The following HIF1A variants were observed in gnomAD, a reference collection of about 807,000 sequenced individuals.
The protein encoded by HIF1A is hypoxia inducible factor 1 subunit alpha, also known as hypoxia-inducible factor 1-alpha.
In HIF1A, 24 loss-of-function variants were observed where a neutral mutation model predicts 92.7. The observed-to-expected ratio is 0.26, with a 90% CI of 0.19 to 0.36. HIF1A has a LOEUF of 0.36. Among genes scored for constraint, HIF1A ranks in the 10% least tolerant of loss-of-function variants. The pLI is 1.00. For missense variants in HIF1A, 799 were observed against 998.5 expected (o/e 0.80, Z 2.69); for synonymous variants, 319 against 338.7 (o/e 0.94, Z 0.64).
chr14:61,731,474 T>A (rs1411565606), intron 6 of HIF1A, among the ~76,000 whole-genome samples: 1 of 152,242 alleles, frequency 6.6e-6, no homozygotes, highest in Non-Finnish European at 1.5e-5. Context: ...TCATTTGAAA[T>A]ATTGTTTTAT....
At position 61,695,767 on chromosome 14, in the gene HIF1A, G is replaced by A. The variant is rs773034675; in HGVS notation, c.-38G>A. ...CGCTTAGGCCGGAGCGAGCCTGGGG[G>A]CCGCCCGCCGTGAAGACATCGCGGG... On this transcript the variant is annotated 5_prime_UTR_variant, in exon 1 of 15. Transcript: ENST00000337138. The A allele has an allele frequency of 1.3e-6, 2 of 1,569,136 alleles. No individual in the cohort carries two copies. The highest frequency in any genetic ancestry group is 2.3e-5 in the South Asian group (2 of 85,466).
At chr14:61,723,145 A>T (rs1311040695) in intron 4 of HIF1A, among the ~76,000 whole-genome samples, 1 of 152,174 alleles carries the variant, frequency 6.6e-6, no homozygotes, top group Non-Finnish European at 1.5e-5. Flanking sequence ...TATATTATAA[A>T]ACCTCAAATT....
At chr14:61,712,634 C>A (rs2044321067) in intron 1 of HIF1A, among the ~76,000 whole-genome samples, 1 of 148,706 alleles carries the variant, frequency 6.7e-6, no homozygotes, top group African/African-American at 2.5e-5. Flanking sequence ...GTAGTAAATT[C>A]AAATATTATG....
chr14:61,719,375 G>A (rs1258587093), intron 1 of HIF1A, among the ~76,000 whole-genome samples: 1 of 152,120 alleles, frequency 6.6e-6, no homozygotes, highest in Non-Finnish European at 1.5e-5. Flanking sequence ...TAAAACACCT[G>A]GGTTCAAATC....
intron 6 of HIF1A, among the ~76,000 whole-genome samples, chr14:61,731,731 TGTAA>T (rs770357972): frequency 2.0e-5 from 3 of 152,256 alleles, no homozygotes; most frequent in Non-Finnish European, 4.4e-5. Flanking sequence ...TTAAAATAAG[TGTAA>T]GTGACTACCT....
At chr14:61,698,643 C>T (rs990662908) in intron 1 of HIF1A, among the ~76,000 whole-genome samples, 3 of 152,172 alleles carry the variant, frequency 2.0e-5, no homozygotes, top group Admixed American at 6.5e-5. Context: ...TTTTCTATCT[C>T]CTGAAAGTGA....
At chr14:61,705,824 G>T (rs1378957334) in intron 1 of HIF1A, among the ~76,000 whole-genome samples, 1 of 152,114 alleles carries the variant, frequency 6.6e-6, no homozygotes, top group Non-Finnish European at 1.5e-5. Context: ...GGAAAACAGA[G>T]ACTCTTGCTT....
At chr14:61,719,975 A>C (rs1310771841) in intron 1 of HIF1A, among the ~76,000 whole-genome samples, 3 of 152,200 alleles carry the variant, frequency 2.0e-5, no homozygotes, top group African/African-American at 7.2e-5. Flanking sequence ...TATTATGTAC[A>C]ACTTTAGGTA....
chr14:61,731,049 T>C (rs1389795951), intron 6 of HIF1A, among the ~76,000 whole-genome samples: 1 of 152,220 alleles, frequency 6.6e-6, no homozygotes, highest in Non-Finnish European at 1.5e-5. Context: ...TTTTCCTTTG[T>C]ATATTTATTT....
intron 1 of HIF1A, among the ~76,000 whole-genome samples, chr14:61,714,852 A>G (rs992329859): frequency 6.6e-6 from 1 of 152,078 alleles, no homozygotes; most frequent in African/African-American, 2.4e-5. Flanking sequence ...TGGCCAACAT[A>G]ATGAAACCCC....
chr14:61,697,810 G>A (rs912136439), intron 1 of HIF1A: 12 of 1,483,262 alleles, frequency 8.1e-6, no homozygotes, highest in Non-Finnish European at 3.6e-6. Context: ...AGAGGTTGAG[G>A]GACGGAGATT....
chr14:61,721,707 T>C, intron 3 of HIF1A, 32 bp from the exon 4 acceptor site: 2 of 1,610,684 alleles, frequency 1.2e-6, no homozygotes, highest in South Asian at 2.2e-5. Flanking sequence ...GATTTTATGA[T>C]CTAGCCCTAA....
At chr14:61,737,483 T>C (rs549217386) in intron 9 of HIF1A, among the ~76,000 whole-genome samples, 3 of 152,338 alleles carry the variant, frequency 2.0e-5, no homozygotes, top group Non-Finnish European at 4.4e-5. Flanking sequence ...ACATCAAGCA[T>C]TGAAGATGAA....
chr14:61,737,217 A>T (rs1298268589), intron 9 of HIF1A, 108 bp downstream of exon 9: 1 of 715,672 alleles, frequency 1.4e-6, no homozygotes, highest in African/African-American at 1.8e-5. Context: ...GGACATTACA[A>T]GCTAATATAT....
chr14:61,720,509 G>T lies in HIF1A; in HGVS notation c.163G>T (p.Asp55Tyr). The change falls in exon 2 of 15, where the codon GAT (aspartate) becomes TAT (tyrosine). Residue 55 changes from aspartate to tyrosine, a missense_variant. Physicochemically the swap from Asp to Tyr is radical, Grantham distance 160. Transcript: ENST00000337138. ...PLPHNVSSHL[D>Y]KASVMRLTIS... is the part of the protein sequence containing the mutation. ...TCCACATAATGTGAGTTCGCATCTT[G>T]ATAAGGCCTCTGTGATGAGGCTTAC... 1 of 1,613,532 alleles carries T rather than the reference G, an allele frequency of 6.2e-7. No individual in the cohort carries two copies. Among genetic ancestry groups the T allele is most frequent in the Non-Finnish European group, 8.5e-7 (1 of 1,179,722 alleles).
chr14:61,710,231 G>A (rs536815356), intron 1 of HIF1A, among the ~76,000 whole-genome samples: 1 of 152,212 alleles, frequency 6.6e-6, no homozygotes, highest in South Asian at 2.1e-4. Flanking sequence ...GTGGTAGCTG[G>A]TTTAATGGAA....
chr14:61,722,725 C>T (rs1288478313), intron 4 of HIF1A, among the ~76,000 whole-genome samples: 4 of 152,096 alleles, frequency 2.6e-5, no homozygotes, highest in Non-Finnish European at 1.5e-5. Context: ...TAATTCGAGA[C>T]CGTGTAGTTA....
In HIF1A at chr14:61,721,573, T is replaced by C. The variant is rs1373318422; in HGVS notation, c.291T>C (p.Asp97=). Residue 97 remains aspartate (D), a synonymous_variant, in exon 3 of 15, where the codon GAT becomes GAC. Coordinates refer to ENST00000337138, the MANE Select transcript of HIF1A (RefSeq NM_001530.4). ...QMNCFYLKAL[D]GFVMVLTDDG... The stretch of plus-strand genomic sequence containing the variant: ...ATTGCTTTTATTTGAAAGCCTTGGA[T>C]GGTTTTGTTATGGTTCTCACAGATG... 6.2e-7 allele frequency: 1 copy of C among 1,613,108 alleles called. No homozygotes were observed. The highest frequency in any genetic ancestry group is 1.3e-5 in the African/African-American group (1 of 74,924).
chr14:61,745,475 C>T (rs2044768958), intron 13 of HIF1A: 2 of 554,396 alleles, frequency 3.6e-6, no homozygotes, highest in South Asian at 4.1e-5. Context: ...TGGTATAATA[C>T]ATTCTGATAT....
Sources: gnomAD v4.1 joint callset for allele counts (sites outside exome capture counted in the v4.1 genomes callset) on GRCh38, gnomAD v4.1.1 for gene constraint, MANE v1.5 for transcripts, NCBI Gene and HGNC (gene_info 2026-07-23, HGNC 2026-07-21) for gene names.